The following PHC3 variants were observed in gnomAD, a reference collection of about 807,000 sequenced individuals.
PHC3 encodes the protein polyhomeotic-like protein 3.
In PHC3, 13 loss-of-function variants were observed where a neutral mutation model predicts 107.4. The observed-to-expected ratio is 0.12, with a 90% CI of 0.08 to 0.19. The LOEUF (loss-of-function observed/expected upper bound fraction) is 0.19. Ranked by LOEUF, PHC3 falls within the 10% of genes least tolerant of loss-of-function variation. The pLI, the probability that PHC3 is intolerant of heterozygous loss-of-function variation, is 1.00. For missense variants in PHC3, 992 were observed against 1,210.9 expected (o/e 0.82, Z 2.68); for synonymous variants, 456 against 427.4 (o/e 1.07, Z -0.83).
Position 170,089,914 on chromosome 3 carries a change from CAAAAAAAAAAAAAA to C in PHC3, c.*7302_*7315del, listed in dbSNP as rs1713901871. The C allele has an allele frequency of 2.3e-5, 1 of 43,620 alleles. No individual in the cohort carries two copies. The highest frequency in any genetic ancestry group is 7.5e-4 in the South Asian group (1 of 1,326). 2.7% of individuals were successfully genotyped at this position (43,620 alleles called of 1,614,324 possible). On this transcript the variant is annotated 3_prime_UTR_variant, in exon 15 of 15. Coordinates refer to ENST00000495893, the MANE Select transcript of PHC3 (RefSeq NM_024947.4). The stretch of plus-strand genomic sequence containing the variant: ...CCTGGGCAACAGAGCGAACCCATCT[CAAAAAAAAAAAAAA>C]GAAAAAAAAAAAAAAAGAAAGAAAG...
At chr3:170,145,196 G>C (rs1724746996) in intron 6 of PHC3, among the ~76,000 whole-genome samples, 1 of 152,138 alleles carries the variant, frequency 6.6e-6, no homozygotes, top group African/African-American at 2.4e-5. Context: ...CATTAACCTT[G>C]ACCAACCAAT....
At chr3:170,163,476 G>GTGTA (rs1728237923) in intron 4 of PHC3, among the ~76,000 whole-genome samples, 1 of 148,798 alleles carries the variant, frequency 6.7e-6, no homozygotes, top group African/African-American at 2.6e-5. Context: ...GTGTGTGTGT[G>GTGTA]TGTGTGTGTG....
At chr3:170,156,449 T>A (rs1240931773) in intron 4 of PHC3, among the ~76,000 whole-genome samples, 2 of 151,854 alleles carry the variant, frequency 1.3e-5, no homozygotes, top group Non-Finnish European at 2.9e-5. Flanking sequence ...TAGAGACGAG[T>A]TTCGCCATGT....
chr3:170,145,606 AT>A, intron 5 of PHC3, 85 bp from the exon 6 acceptor site: 1 of 876,802 alleles, frequency 1.1e-6, no homozygotes, highest in Non-Finnish European at 1.7e-6. Context: ...AGAGACTGAA[AT>A]TTGTGACAGA....
At chr3:170,120,811 G>A (rs1361632565) in intron 9 of PHC3, among the ~76,000 whole-genome samples, 1 of 152,136 alleles carries the variant, frequency 6.6e-6, no homozygotes, top group African/African-American at 2.4e-5. Context: ...AGGGTTAGTG[G>A]TCCCATAAGA....
intron 6 of PHC3, among the ~76,000 whole-genome samples, chr3:170,139,462 C>T (rs999275393): frequency 3.9e-5 from 6 of 152,064 alleles, no homozygotes; most frequent in Admixed American, 3.9e-4. Context: ...GTAATGATAA[C>T]CAAAGGGTAA....
At chr3:170,101,955 A>T (rs1265877607) in intron 14 of PHC3, among the ~76,000 whole-genome samples, 1 of 152,178 alleles carries the variant, frequency 6.6e-6, no homozygotes, top group Non-Finnish European at 1.5e-5. Context: ...ATTGAAAAGA[A>T]TCAAAGAATG....
intron 4 of PHC3, among the ~76,000 whole-genome samples, chr3:170,159,687 G>A (rs894734346): frequency 1.3e-5 from 2 of 151,926 alleles, no homozygotes; most frequent in Admixed American, 6.6e-5. Flanking sequence ...GGCCCAACAG[G>A]TGTCCTACAC....
chr3:170,165,039 G>C (rs1290118499), intron 4 of PHC3, among the ~76,000 whole-genome samples: 2 of 152,162 alleles, frequency 1.3e-5, no homozygotes, highest in Non-Finnish European at 2.9e-5. Context: ...AATGCACCCT[G>C]CGGTCTCAGT....
At position 170,127,981 on chromosome 3, in the gene PHC3, A is replaced by G. The variant is rs574977679; in HGVS notation, c.1788+703T>C. ...CCTCTAAATGGATTTTTTCATCCTC[A>G]GTATTAAATTCATCTACCAAGATTT... On this transcript the variant is annotated intron_variant, in intron 8 of 14. Transcript: ENST00000495893. Among the ~76,000 whole-genome samples, 3 of 152,330 alleles carry G rather than the reference A, an allele frequency of 2.0e-5. No individual in the cohort carries two copies. The South Asian group carries it at 6.2e-4, about 32-fold the overall frequency.
At chr3:170,126,528 A>ATATATATATTTTT (rs370421296) in intron 8 of PHC3, among the ~76,000 whole-genome samples, 3 of 90,638 alleles carry the variant, frequency 3.3e-5, no homozygotes, top group African/African-American at 1.3e-4. Context: ...ATATATATAT[A>ATATATATATTTTT]TTTTTTTTTT....
intron 4 of PHC3, among the ~76,000 whole-genome samples, chr3:170,167,530 C>T (rs960235203): frequency 4.6e-5 from 7 of 152,104 alleles, no homozygotes; most frequent in African/African-American, 1.2e-4. Context: ...GAGGCCAAGG[C>T]GGGCAGATCA....
At chr3:170,151,346 T>C (rs1321853079) in intron 4 of PHC3, among the ~76,000 whole-genome samples, 1 of 152,244 alleles carries the variant, frequency 6.6e-6, no homozygotes, top group Non-Finnish European at 1.5e-5. Context: ...ATTGGACTTC[T>C]TATTCAAGCA....
chr3:170,165,981 T>TAA lies in PHC3; in HGVS notation c.414+5390_414+5391dup, dbSNP rs534346356. Among the ~76,000 whole-genome samples the TAA allele has an allele frequency of 4.9e-3, 529 of 108,550 alleles. 16 individuals are homozygous for TAA. The East Asian group carries it at 0.11, about 23-fold the overall frequency. 71.2% of individuals were successfully genotyped at this position (108,550 alleles called of 152,430 possible). A position where few individuals can be genotyped will look rare whatever the true frequency, so the allele number is the denominator to read the frequency against. ...AACAATGAGCATACCTAAAAGAAAT[T>TAA]AAAAAAAAAAAAAAAGGCTCCCCAA... On this transcript the variant is annotated intron_variant, in intron 4 of 14. Coordinates refer to ENST00000495893, the MANE Select transcript of PHC3 (RefSeq NM_024947.4).
At chr3:170,122,775 G>A (rs1720598417) in intron 8 of PHC3, 31 bp from the exon 9 acceptor site, 2 of 1,602,448 alleles carry the variant, frequency 1.2e-6, no homozygotes, top group Non-Finnish European at 1.7e-6. Flanking sequence ...GCCTTAAAAT[G>A]TTTCCAAAAC....
At chr3:170,142,883 C>T (rs1161761780) in intron 6 of PHC3, among the ~76,000 whole-genome samples, 3 of 152,016 alleles carry the variant, frequency 2.0e-5, no homozygotes, top group African/African-American at 2.4e-5. Context: ...AAAAGAAGAT[C>T]ATTATTTCAG....
Position 170,170,477 on chromosome 3 carries a change from G to A in PHC3, c.414+896C>T, listed in dbSNP as rs948587821. 2.6e-5 allele frequency: 4 copies of A among 151,284 alleles called. No individual in the cohort carries two copies. In the Admixed American group the frequency reaches 2.6e-4, roughly 10 times the overall value. 9.4% of individuals were successfully genotyped at this position (151,284 alleles called of 1,614,324 possible). A position where few individuals can be genotyped will look rare whatever the true frequency, so the allele number is the denominator to read the frequency against. ...ATAATGTCCATAGTGATGAGGTTGG[G>A]AAACCTGAGACAAATGATGAAATGT... is the stretch of plus-strand genomic sequence containing the variant. On this transcript the variant is annotated intron_variant, in intron 4 of 14. Transcript: ENST00000495893.
rs151025932 is a variant in PHC3 at position 170,098,559 on chromosome 3, A to T, written c.2834-1175T>A. ...CCCAGCACAAAGCACAAAGCATTAT[A>T]GGTACTGAATACATAATATTTGTCA... On this transcript the variant is annotated intron_variant, in intron 14 of 14. Transcript: ENST00000495893. Among the ~76,000 whole-genome samples the T allele has an allele frequency of 3.9e-5, 6 of 152,236 alleles. No individual in the cohort carries two copies. In the East Asian group the frequency reaches 1.2e-3, roughly 29 times the overall value.
chr3:170,133,281 C>T (rs1169240223), intron 7 of PHC3, among the ~76,000 whole-genome samples: 1 of 151,568 alleles, frequency 6.6e-6, no homozygotes, highest in African/African-American at 2.4e-5. Context: ...CAGGTTCAAG[C>T]GATTCTCCTG....
Sources: allele counts gnomAD v4.1 joint callset (sites outside exome capture counted in the v4.1 genomes callset), GRCh38; gene constraint gnomAD v4.1.1; transcripts MANE v1.5; gene names NCBI Gene and HGNC (gene_info 2026-07-23, HGNC 2026-07-21).